RARB: variants seen among roughly 807,000 people sequenced by gnomAD.
The protein encoded by RARB is HBV-activated protein.
Under a neutral mutation model 51.9 loss-of-function variants are expected in RARB, and 17 were observed. That is an observed-to-expected ratio of 0.33 (90% CI 0.22 to 0.49). The LOEUF (loss-of-function observed/expected upper bound fraction) is 0.49, where lower values mean the gene tolerates loss of function less well. Ranked by LOEUF, RARB falls within the 20% of genes least tolerant of loss-of-function variation. The pLI is 0.99. For missense variants in RARB, 369 were observed against 550.8 expected (o/e 0.67, Z 3.30); for synonymous variants, 215 against 195.4 (o/e 1.10, Z -0.84).
chr3:24,912,446 G>T (rs1448941003), intron 2 of RARB, among the ~76,000 whole-genome samples: 1 of 151,936 alleles, frequency 6.6e-6, no homozygotes, highest in East Asian at 1.9e-4. Flanking sequence ...ATTATTATTC[G>T]GTGTCCTCAA....
chr3:24,958,337 A>C (rs750424591), intron 2 of RARB, among the ~76,000 whole-genome samples: 1 of 139,496 alleles, frequency 7.2e-6, no homozygotes, highest in Non-Finnish European at 1.5e-5. Flanking sequence ...AGTTTACTCA[A>C]AACTCATTCT....
At chr3:25,162,761 C>A (rs531693895) in intron 4 of RARB, among the ~76,000 whole-genome samples, 10 of 152,270 alleles carry the variant, frequency 6.6e-5, no homozygotes, top group African/African-American at 2.4e-4. Flanking sequence ...CTACTTCATT[C>A]CCTTTTTATG....
chr3:24,916,632 C>T (rs1484326542), intron 2 of RARB, among the ~76,000 whole-genome samples: 1 of 152,024 alleles, frequency 6.6e-6, no homozygotes, highest in African/African-American at 2.4e-5. Context: ...TATGGAGAAA[C>T]TGGAAATCTT....
At chr3:25,449,302 AGT>A (rs1709088267) in intron 1 of RARB, among the ~76,000 whole-genome samples, 2 of 151,884 alleles carry the variant, frequency 1.3e-5, no homozygotes, top group South Asian at 4.2e-4. Flanking sequence ...GGGGTTAGTG[AGT>A]GTGTTTGTGT....
At chr3:25,584,538 G>A (rs966617913) in intron 5 of RARB, among the ~76,000 whole-genome samples, 1 of 152,150 alleles carries the variant, frequency 6.6e-6, no homozygotes, top group East Asian at 1.9e-4. Flanking sequence ...TGAGTCGTGG[G>A]GAGCCTAGAG....
intron 2 of RARB, among the ~76,000 whole-genome samples, chr3:25,017,254 G>A (rs529249500): frequency 7.7e-6 from 1 of 129,268 alleles, no homozygotes; most frequent in Admixed American, 9.0e-5. Context: ...TCTCTAAGAA[G>A]TGAACTCGAT....
At position 24,913,880 on chromosome 3, in the gene RARB, G is replaced by A. The variant is rs569238004; in HGVS notation, c.-380+55128G>A. Among the ~76,000 whole-genome samples the A allele has an allele frequency of 3.3e-5, 5 of 152,230 alleles. No homozygotes were observed. In the East Asian group the frequency reaches 5.8e-4, roughly 18 times the overall value. ...AGTACTCCAGCACTTAGTGACATTCGGGGTTTACTCACTATGTATTAGAAA... is the reference window on the plus strand; with the variant it reads ...AGTACTCCAGCACTTAGTGACATTCAGGGTTTACTCACTATGTATTAGAAA... On this transcript the variant is annotated intron_variant, in intron 2 of 11. Transcript: ENST00000383772.
Position 25,145,729 on chromosome 3 carries a change from C to A in RARB, c.-280+13521C>A, listed in dbSNP as rs561634601. Among the ~76,000 whole-genome samples, 7 of 152,216 alleles carry A rather than the reference C, an allele frequency of 4.6e-5. No homozygotes were observed. In the South Asian group the frequency reaches 1.5e-3, roughly 32 times the overall value. ...ACCTTGTCAAAAAATTCATGCCTGG[C>A]CAGGCATGGTGGCCCACACCTTTAA... On this transcript the variant is annotated intron_variant, in intron 4 of 11. Coordinates refer to the RARB transcript ENST00000383772.
intron 2 of RARB, among the ~76,000 whole-genome samples, chr3:24,954,817 G>A (rs1190436445): frequency 6.6e-6 from 1 of 152,088 alleles, no homozygotes; most frequent in African/African-American, 2.4e-5. Flanking sequence ...TTGCAAAAAG[G>A]GTGTGACTCC....
rs1362945537 is a variant in RARB at position 24,962,739 on chromosome 3, C to G, written c.-379-97386C>G. Among the ~76,000 whole-genome samples the G allele has an allele frequency of 2.0e-5, 3 of 152,164 alleles. No homozygotes were observed. In the South Asian group the frequency reaches 6.2e-4, roughly 32 times the overall value. On this transcript the variant is annotated intron_variant, in intron 2 of 11. Transcript: ENST00000383772. ...ATGATCTGAGGTGGAACAGTTTCAT[C>G]CTAAATCCACGAAAGCAGTCTCTGG...
intron 5 of RARB, among the ~76,000 whole-genome samples, chr3:25,229,470 A>G (rs66807073): frequency 0.1 from 15,468 of 152,116 alleles, 971 homozygotes; most frequent in South Asian, 0.26. Context: ...ATTTGCAATT[A>G]TTGTTTACTA....
chr3:25,086,554 C>A (rs921252193), intron 3 of RARB, among the ~76,000 whole-genome samples: 2 of 152,022 alleles, frequency 1.3e-5, no homozygotes, highest in African/African-American at 2.4e-5. Context: ...GTGACACAGC[C>A]CCAGGAGATT....
chr3:25,256,122 C>T (rs1223712058), intron 5 of RARB, among the ~76,000 whole-genome samples: 3 of 152,064 alleles, frequency 2.0e-5, no homozygotes, highest in Admixed American at 2.0e-4. Flanking sequence ...AAAATATATG[C>T]CCATTTAAAC....
intron 5 of RARB, among the ~76,000 whole-genome samples, chr3:25,286,499 A>T (rs1368028391): frequency 1.3e-5 from 2 of 152,078 alleles, no homozygotes; most frequent in African/African-American, 4.8e-5. Flanking sequence ...TCCTCTCCAG[A>T]CTTTCTTCTT....
intron 5 of RARB, among the ~76,000 whole-genome samples, chr3:25,272,415 C>T (rs1703276137): frequency 6.6e-6 from 1 of 152,204 alleles, no homozygotes; most frequent in African/African-American, 2.4e-5. Flanking sequence ...TTGATCTCTG[C>T]CTCCTCTATA....
chr3:25,259,216 A>G, intron 5 of RARB: 1 of 496,932 alleles, frequency 2.0e-6, no homozygotes, highest in Non-Finnish European at 2.6e-6. Flanking sequence ...TCCACCAATG[A>G]TTAGCATTCC....
intron 2 of RARB, among the ~76,000 whole-genome samples, chr3:25,485,476 G>T (rs1177988570): frequency 6.6e-6 from 1 of 152,170 alleles, no homozygotes; most frequent in Admixed American, 6.6e-5. Flanking sequence ...TAGGTTTAAA[G>T]GCCAATGTGC....
At chr3:25,443,591 C>T (rs181394427) in intron 1 of RARB, among the ~76,000 whole-genome samples, 76 of 149,370 alleles carry the variant, frequency 5.1e-4, no homozygotes, top group Non-Finnish European at 7.7e-4. Flanking sequence ...CTAGCCTGGG[C>T]GACAGACAGA....
At chr3:25,282,921 T>C (rs1359140674) in intron 5 of RARB, among the ~76,000 whole-genome samples, 1 of 152,134 alleles carries the variant, frequency 6.6e-6, no homozygotes, top group Non-Finnish European at 1.5e-5. Context: ...TATTTTCAAC[T>C]CCTCCAAATA....
Sources: gnomAD v4.1 joint callset for allele counts (sites outside exome capture counted in the v4.1 genomes callset) on GRCh38, gnomAD v4.1.1 for gene constraint, MANE v1.5 for transcripts, NCBI Gene and HGNC (gene_info 2026-07-23, HGNC 2026-07-21) for gene names.